The following FAM221B variants were observed in gnomAD, a reference collection of about 807,000 sequenced individuals.
FAM221B encodes the protein protein FAM221B.
Under a neutral mutation model 39.8 loss-of-function variants are expected in FAM221B, and 35 were observed. That is an observed-to-expected ratio of 0.88 (90% CI 0.67 to 1.17). FAM221B has a LOEUF of 1.17. FAM221B is among the 50% of genes most tolerant of loss of function. FAM221B has a pLI of 0.00. For missense variants in FAM221B, 479 were observed against 503.1 expected, an observed-to-expected ratio of 0.95 and a Z score of 0.46; for synonymous variants, 158 against 178.1, an observed-to-expected ratio of 0.89 and a Z score of 0.90.
In FAM221B at chr9:35,818,932, A is replaced by G. The variant is rs1028833639; in HGVS notation, c.1129T>C (p.Phe377Leu). Residue 377 changes from phenylalanine (F) to leucine (L), a missense_variant, in exon 6 of 7, where the codon TTT becomes CTT. Coordinates refer to ENST00000423537, the MANE Select transcript of FAM221B (RefSeq NM_001012446.4). ...CGTTGCCGGGTCTTCTGGGTGTCAA[A>G]GAAAGTCTCGTGTTCCTCCCAGCGC... ...DRRWEEHETF[F>L]DTQKTRQRGG... The G allele has an allele frequency of 6.4e-7, 1 of 1,551,936 alleles. No homozygotes were observed.
At position 35,818,870 on chromosome 9, in the gene FAM221B, G is replaced by C. The variant is rs1183167210; in HGVS notation, c.1171+20C>G. On this transcript the variant is annotated intron_variant, in intron 6 of 6. Coordinates refer to ENST00000423537, the MANE Select transcript of FAM221B (RefSeq NM_001012446.4). ...ACTACAGACCCTGGAATGGCCCCCT[G>C]TCCCAGGTTTCTGCCTCACCGCGAG... 6.4e-7 allele frequency: 1 copy of C among 1,551,124 alleles called. No individual in the cohort carries two copies. Among genetic ancestry groups the C allele is most frequent in the Non-Finnish European group, 8.7e-7 (1 of 1,147,030 alleles).
chr9:35,819,239 C>T lies in FAM221B; in HGVS notation c.1009G>A (p.Glu337Lys), dbSNP rs775781623. The stretch of plus-strand genomic sequence containing the variant: ...TGGGGCCCAGTGGCTGCATGTTCTT[C>T]GTGGCTGTGTTTGCAGCGACATTGG... The part of the protein sequence containing the change: ...RAQCRCKHSH[E>K]EHAATGPHPC... Residue 337 changes from glutamate to lysine, a missense_variant, in exon 5 of 7, where the codon GAA becomes AAA. By Grantham distance (56) the Glu-to-Lys change is moderately conservative. Transcript: ENST00000423537. 48 of 1,551,594 alleles carry T rather than the reference C, an allele frequency of 3.1e-5. No homozygotes were observed. The highest frequency in any genetic ancestry group is 1.1e-4 in the African/African-American group (8 of 73,050).
At chr9:35,818,780 G>C in intron 6 of FAM221B, 110 bp downstream of exon 6, 1 of 1,439,894 alleles carries the variant, frequency 6.9e-7, no homozygotes. Flanking sequence ...GAGGTGGGCT[G>C]AGGGAGCGCG....
chr9:35,825,863 A>C lies in FAM221B; in HGVS notation c.299T>G (p.Val100Gly). 6.2e-7 allele frequency: 1 copy of C among 1,614,188 alleles called. No homozygotes were observed. The highest frequency in any genetic ancestry group is 8.5e-7 in the Non-Finnish European group (1 of 1,180,038). Residue 100 changes from valine to glycine, a missense_variant, in exon 2 of 7, where the codon GTG (valine) becomes GGG (glycine). Val to Gly is a moderately radical substitution (Grantham distance 109, BLOSUM62 -3). Coordinates refer to ENST00000423537, the MANE Select transcript of FAM221B (RefSeq NM_001012446.4). This position sits in a 1 kb window ranked among gnomAD's most constrained non-coding sequence, Gnocchi z 4.2. ...YEASLDSPIS[V>G]VPEKHLTLPP... ...AAGAGTAAGGTGTTTCTCTGGCACCACTGAGATGGGACTATCCAATGAAGC... is the reference window on the plus strand; with the variant it reads ...AAGAGTAAGGTGTTTCTCTGGCACCCCTGAGATGGGACTATCCAATGAAGC...
intron 3 of FAM221B, among the ~76,000 whole-genome samples, chr9:35,824,911 G>A (rs903559513): frequency 2.0e-5 from 3 of 152,108 alleles, no homozygotes; most frequent in African/African-American, 7.2e-5. Context: ...TCGATCTCCT[G>A]ACCTCGTGAT....
rs1190376910 is a variant in FAM221B at position 35,825,899 on chromosome 9, G to A, written c.263C>T (p.Pro88Leu). 1.9e-6 allele frequency: 3 copies of A among 1,614,020 alleles called. No homozygotes were observed. The highest frequency in any genetic ancestry group is 2.5e-6 in the Non-Finnish European group (3 of 1,180,008). Residue 88 changes from proline to leucine, a missense_variant, in exon 2 of 7, where the codon CCT (proline) becomes CTT (leucine). Coordinates refer to ENST00000423537, the MANE Select transcript of FAM221B (RefSeq NM_001012446.4). The surrounding 1 kb of genome is among the most constrained non-coding windows in gnomAD (Gnocchi z 4.2). ...ACTATCCAATGAAGCCTCATAGGTA[G>A]GGGTCTCTGAAGGAGTCTCAGAGAT... ...PSISETPSET[P>L]TYEASLDSPI...
Position 35,828,332 on chromosome 9 carries a change from A to AACAACAACAACTACAACTACT in FAM221B, c.-1+130_-1+131insAGTAGTTGTAGTTGTTGTTGT, listed in dbSNP as rs1471355172. 9.2e-6 allele frequency: 1 copy of AACAACAACAACTACAACTACT among 108,946 alleles called. No individual in the cohort carries two copies. The highest frequency in any genetic ancestry group is 3.5e-5 in the African/African-American group (1 of 28,970). The allele number at this position is 108,946 out of a possible 1,614,324, so 6.7% of individuals were successfully genotyped here. A position where few individuals can be genotyped will look rare whatever the true frequency, so the allele number is the denominator to read the frequency against. On this transcript the variant is annotated intron_variant, in intron 1 of 6. Coordinates refer to ENST00000423537, the MANE Select transcript of FAM221B (RefSeq NM_001012446.4). This position sits in a 1 kb window ranked among gnomAD's most constrained non-coding sequence, Gnocchi z 4.5. The stretch of plus-strand genomic sequence containing the variant: ...CAACAACAACAACAACAACAACAAC[A>AACAACAACAACTACAACTACT]ACTACTACTACTACTACTACTACTA...
rs763202031 is a variant in FAM221B, at chr9:35,826,117, A to T, written c.45T>A (p.Asp15Glu). The change falls in exon 2 of 7, where the codon GAT (aspartate) becomes GAA (glutamate). Residue 15 changes from aspartate to glutamate, a missense_variant. Coordinates refer to ENST00000423537, the MANE Select transcript of FAM221B (RefSeq NM_001012446.4). ...EIIEEPHITM[D>E]AEKHPPSKDP... The stretch of plus-strand genomic sequence containing the variant: ...CCTTTGAAGGGGGGTGCTTCTCTGC[A>T]TCCATGGTGATATGAGGCTCTTCTA... The T allele has an allele frequency of 2.8e-5, 45 of 1,608,970 alleles. 1 individual carries two copies. The South Asian group carries it at 4.5e-4, about 16-fold the overall frequency.
chr9:35,818,872 C>G lies in FAM221B; in HGVS notation c.1171+18G>C. ...TACAGACCCTGGAATGGCCCCCTGT[C>G]CCAGGTTTCTGCCTCACCGCGAGGC... On this transcript the variant is annotated intron_variant, in intron 6 of 6. Coordinates refer to ENST00000423537, the MANE Select transcript of FAM221B (RefSeq NM_001012446.4). 5.2e-6 allele frequency: 8 copies of G among 1,551,336 alleles called. No individual in the cohort carries two copies. Among genetic ancestry groups the G allele is most frequent in the South Asian group, 1.2e-5 (1 of 84,048 alleles).
At position 35,828,377 on chromosome 9, in the gene FAM221B, TACA is replaced by T. The variant is rs1465879780; in HGVS notation, c.-1+83_-1+85del. ...CTACTACTACTACTACTACTACTAC[TACA>T]ACAATGTGAAGGGACTGAGGGGTGG... On this transcript the variant is annotated intron_variant, in intron 1 of 6. Transcript: ENST00000423537. The surrounding 1 kb of genome is among the most constrained non-coding windows in gnomAD (Gnocchi z 4.5). The T allele has an allele frequency of 0.034, 8,609 of 255,660 alleles. 661 individuals carry two copies. Among genetic ancestry groups the T allele is most frequent in the East Asian group, 0.038 (205 of 5,336 alleles). The allele number at this position is 255,660 out of a possible 1,614,324, so 15.8% of individuals were successfully genotyped here.
rs529722585 is a variant in FAM221B, at chr9:35,818,931, A to G, written c.1130T>C (p.Phe377Ser). The G allele has an allele frequency of 1.1e-4, 170 of 1,551,894 alleles. 2 individuals are homozygous for G. The African/African-American group carries it at 2.2e-3, about 20-fold the overall frequency. The change falls in exon 6 of 7, where the codon TTT (phenylalanine) becomes TCT (serine). Residue 377 changes from phenylalanine to serine, a missense_variant. By Grantham distance (155) the Phe-to-Ser change is radical. Transcript: ENST00000423537. ...TCGTTGCCGGGTCTTCTGGGTGTCA[A>G]AGAAAGTCTCGTGTTCCTCCCAGCG... ...DRRWEEHETF[F>S]DTQKTRQRGG...
At chr9:35,824,441 C>T (rs1455911136) in intron 3 of FAM221B, among the ~76,000 whole-genome samples, 1 of 152,196 alleles carries the variant, frequency 6.6e-6, no homozygotes, top group Non-Finnish European at 1.5e-5. Flanking sequence ...GGACACAGGT[C>T]TCCCCTTTGG....
intron 3 of FAM221B, chr9:35,821,715 A>C: frequency 1.1e-6 from 1 of 884,298 alleles, no homozygotes; most frequent in Non-Finnish European, 1.7e-6. Context: ...GTCAAGTCCA[A>C]GCACTAGTGT....
intron 3 of FAM221B, among the ~76,000 whole-genome samples, chr9:35,821,066 A>G (rs1054113275): frequency 6.6e-6 from 1 of 152,184 alleles, no homozygotes; most frequent in Non-Finnish European, 1.5e-5. Flanking sequence ...GGTGTCCCTG[A>G]CTTCCCCTGT....
chr9:35,819,360 G>A lies in FAM221B; in HGVS notation c.888C>T (p.Arg296=), dbSNP rs758969243. The A allele has an allele frequency of 6.4e-7, 1 of 1,551,738 alleles. No individual in the cohort carries two copies. ...ATGGGATAAAGCAGAACATGAAGCA[G>A]CGGCACTGGCTTACCTTGCAGGGCA... ...ISVPCKVSQC[R]CFMFCFIPSR... The change falls in exon 5 of 7, where the codon CGC becomes CGT. Residue 296 remains arginine, a synonymous_variant. Transcript: ENST00000423537.
rs1239155983 is a variant in FAM221B, at chr9:35,828,689, G to A, written c.-227C>T. On this transcript the variant is annotated 5_prime_UTR_variant, in exon 1 of 7. Transcript: ENST00000423537. This position sits in a 1 kb window ranked among gnomAD's most constrained non-coding sequence, Gnocchi z 4.5. Reference sequence around the variant, plus strand: ...AGCTCTGGCATGACCTGGGGAAGTGGGTAGGGACAAGGGGTCTAGGGCCAA... The same window carrying A: ...AGCTCTGGCATGACCTGGGGAAGTGAGTAGGGACAAGGGGTCTAGGGCCAA... 4.1e-6 allele frequency: 4 copies of A among 985,380 alleles called. No homozygotes were observed. Among genetic ancestry groups the A allele is most frequent in the Admixed American group, 6.2e-5 (1 of 16,254 alleles). The allele number at this position is 985,380 out of a possible 1,614,324, so 61.0% of individuals were successfully genotyped here.
At chr9:35,818,778 C>A in intron 6 of FAM221B, 112 bp downstream of exon 6, 1 of 1,431,152 alleles carries the variant, frequency 7.0e-7, no homozygotes, top group Non-Finnish European at 9.4e-7. Context: ...GGGAGGTGGG[C>A]TGAGGGAGCG....
rs1164487065 is a variant in FAM221B at position 35,828,331 on chromosome 9, C to A, written c.-1+132G>T. The A allele has an allele frequency of 6.9e-6, 1 of 144,634 alleles. No individual in the cohort carries two copies. The highest frequency in any genetic ancestry group is 1.3e-5 in the Non-Finnish European group (1 of 75,046). 9.0% of individuals were successfully genotyped at this position (144,634 alleles called of 1,614,324 possible). On this transcript the variant is annotated intron_variant, in intron 1 of 6. Transcript: ENST00000423537. The surrounding 1 kb of genome is among the most constrained non-coding windows in gnomAD (Gnocchi z 4.5). ...ACAACAACAACAACAACAACAACAA[C>A]AACTACTACTACTACTACTACTACT...
chr9:35,818,346 G>T lies in FAM221B; in HGVS notation c.*123C>A. 2 of 883,370 alleles carry T rather than the reference G, an allele frequency of 2.3e-6. No homozygotes were observed. The highest frequency in any genetic ancestry group is 3.6e-6 in the Non-Finnish European group (2 of 551,858). 54.7% of individuals were successfully genotyped at this position (883,370 alleles called of 1,614,324 possible). ...GATGGCCAGATCCAGGCTTTCTCCTGTGTCTAATAGGTGTCAACTCTAAGT... is the reference window on the plus strand; with the variant it reads ...GATGGCCAGATCCAGGCTTTCTCCTTTGTCTAATAGGTGTCAACTCTAAGT... On this transcript the variant is annotated 3_prime_UTR_variant, in exon 7 of 7. Transcript: ENST00000423537.
Sources: gnomAD v4.1 joint callset for allele counts (sites outside exome capture counted in the v4.1 genomes callset) on GRCh38, gnomAD v4.1.1 for gene constraint, Gnocchi (gnomAD v3.1) non-coding constraint, MANE v1.5 for transcripts, NCBI Gene and HGNC (gene_info 2026-07-23, HGNC 2026-07-21) for gene names.